USH2A: variants seen among roughly 807,000 people sequenced by gnomAD.
The protein encoded by USH2A is Usher syndrome 2A (autosomal recessive, mild).
In USH2A, 443 loss-of-function variants were observed where a neutral mutation model predicts 538.9. The observed-to-expected ratio is 0.82, with a 90% CI of 0.76 to 0.89. The LOEUF is 0.89. USH2A is among the 40% of genes least tolerant of loss of function. USH2A has a pLI of 0.00. For missense variants in USH2A, 6,633 were observed against 6,324.8 expected (o/e 1.05, Z -1.65); for synonymous variants, 2,413 against 2,273.5 (o/e 1.06, Z -1.75).
chr1:215,932,664 C>T (rs568676782), intron 38 of USH2A, among the ~76,000 whole-genome samples: 1 of 152,084 alleles, frequency 6.6e-6, no homozygotes, highest in East Asian at 1.9e-4. Context: ...CATTTGCTTC[C>T]TCTTTGGTGA....
chr1:215,821,728 G>A (rs1317213238), intron 47 of USH2A, among the ~76,000 whole-genome samples: 1 of 151,684 alleles, frequency 6.6e-6, no homozygotes. Context: ...TCTTCTATTG[G>A]TTTTACAGTT....
chr1:215,951,410 T>C (rs567182731), intron 37 of USH2A, among the ~76,000 whole-genome samples: 26 of 152,332 alleles, frequency 1.7e-4, no homozygotes, highest in African/African-American at 5.8e-4. Flanking sequence ...TGCACTGTGG[T>C]CTGAGAGACA....
At chr1:215,746,769 G>C (rs1433420137) in intron 58 of USH2A, among the ~76,000 whole-genome samples, 1 of 152,082 alleles carries the variant, frequency 6.6e-6, no homozygotes, top group African/African-American at 2.4e-5. Context: ...AGGTAAAATT[G>C]GTTTCCTTAT....
chr1:215,692,979 T>C (rs1448501262), intron 61 of USH2A, among the ~76,000 whole-genome samples: 9 of 151,516 alleles, frequency 5.9e-5, no homozygotes, highest in Non-Finnish European at 1.0e-4. Flanking sequence ...TCTTGGCTCA[T>C]GGCAACCTCT....
At chr1:216,243,465 C>T (rs1405397430) in intron 13 of USH2A, among the ~76,000 whole-genome samples, 2 of 152,038 alleles carry the variant, frequency 1.3e-5, no homozygotes, top group African/African-American at 4.8e-5. Flanking sequence ...TAAAAGAGGC[C>T]CCAAGTTTTA....
rs1474409209 is a variant in USH2A at position 215,706,559 on chromosome 1, G to GGCTCCAA, written c.12066+21464_12066+21470dup. Among the ~76,000 whole-genome samples, 6 of 152,116 alleles carry GGCTCCAA rather than the reference G, an allele frequency of 3.9e-5. No individual in the cohort carries two copies. The East Asian group carries it at 9.7e-4, about 24-fold the overall frequency. On this transcript the variant is annotated intron_variant, in intron 61 of 71. Transcript: ENST00000307340. ...AAACTTCCACAATTCACTTGTACCA[G>GGCTCCAA]GCTCCAAACGGGTTAACTGGTTATC...
chr1:215,751,956 T>C (rs1032185309), intron 58 of USH2A, among the ~76,000 whole-genome samples: 1 of 152,162 alleles, frequency 6.6e-6, no homozygotes, highest in Non-Finnish European at 1.5e-5. Flanking sequence ...CATTCCATGT[T>C]AGAAAACAAT....
intron 19 of USH2A, among the ~76,000 whole-genome samples, chr1:216,193,469 G>C (rs1450973935): frequency 6.6e-6 from 1 of 152,000 alleles, no homozygotes; most frequent in Non-Finnish European, 1.5e-5. Flanking sequence ...TCCTAAAAAG[G>C]CTTAGAAAAA....
intron 61 of USH2A, among the ~76,000 whole-genome samples, chr1:215,692,419 G>C (rs1658647375): frequency 6.6e-6 from 1 of 151,594 alleles, no homozygotes. Context: ...ATGAGGTAGA[G>C]ATTGATGACT....
At chr1:215,841,565 A>G (rs1158154842) in intron 46 of USH2A, among the ~76,000 whole-genome samples, 1 of 152,208 alleles carries the variant, frequency 6.6e-6, no homozygotes, top group Non-Finnish European at 1.5e-5. Flanking sequence ...TAAAGACTTA[A>G]ATGTAAAACC....
chr1:215,653,740 A>G (rs772648789), intron 64 of USH2A, among the ~76,000 whole-genome samples: 6 of 152,302 alleles, frequency 3.9e-5, no homozygotes, highest in African/African-American at 7.2e-5. Context: ...ATTTTTGTCT[A>G]TGCCCGGCTA....
Position 215,675,207 on chromosome 1 carries a change from T to G in USH2A, c.12704A>C (p.Gln4235Pro), listed in dbSNP as rs1657976164. ...CCAAGTGTAGATTTTATATTCACAC[T>G]GCGTCCATGGTTGCAAACCTGTGTC... ...YNDTGLQPWT[Q>P]CEYKIYTWNS... Residue 4235 changes from glutamine (Q) to proline (P), a missense_variant, in exon 63 of 72, where the codon CAG becomes CCG. Physicochemically the swap from Gln to Pro is moderately conservative, Grantham distance 76. Transcript: ENST00000307340. The G allele has an allele frequency of 6.2e-7, 1 of 1,613,926 alleles. No individual in the cohort carries two copies. Among genetic ancestry groups the G allele is most frequent in the Admixed American group, 1.7e-5 (1 of 59,992 alleles).
At chr1:215,841,415 G>A (rs1350047899) in intron 46 of USH2A, among the ~76,000 whole-genome samples, 3 of 152,028 alleles carry the variant, frequency 2.0e-5, no homozygotes, top group Admixed American at 6.6e-5. Context: ...TCTGATCTTC[G>A]ACAAACCTGA....
At chr1:216,265,834 G>A (rs1243419838) in intron 11 of USH2A, among the ~76,000 whole-genome samples, 1 of 152,152 alleles carries the variant, frequency 6.6e-6, no homozygotes, top group South Asian at 2.1e-4. Context: ...CTCATATGTG[G>A]AAGCTAAACC....
intron 21 of USH2A, among the ~76,000 whole-genome samples, chr1:216,111,196 A>C (rs923021648): frequency 2.0e-5 from 3 of 152,204 alleles, no homozygotes; most frequent in Admixed American, 6.5e-5. Flanking sequence ...GTGCCACTGC[A>C]CTCTAGCCTG....
intron 32 of USH2A, among the ~76,000 whole-genome samples, chr1:216,016,342 T>C (rs1668711124): frequency 1.3e-5 from 2 of 152,042 alleles, no homozygotes; most frequent in South Asian, 4.2e-4. Flanking sequence ...TAAAGTAAAA[T>C]AATTTAAAAA....
At chr1:216,117,263 G>A (rs1171132127) in intron 21 of USH2A, among the ~76,000 whole-genome samples, 1 of 152,104 alleles carries the variant, frequency 6.6e-6, no homozygotes, top group African/African-American at 2.4e-5. Flanking sequence ...TGGTCAGACT[G>A]CAATATTTAT....
At chr1:216,002,844 AACTTAGGTATCTCAAGGTAGG>A (rs1668297130) in intron 32 of USH2A, among the ~76,000 whole-genome samples, 2 of 152,208 alleles carry the variant, frequency 1.3e-5, no homozygotes, top group South Asian at 4.1e-4. Flanking sequence ...GCATATCTGG[AACTTAGGTATCTCAAGGTAGG>A]ACTTAGGTAT....
At chr1:215,719,787 TAGG>T (rs1659598604) in intron 61 of USH2A, among the ~76,000 whole-genome samples, 2 of 152,192 alleles carry the variant, frequency 1.3e-5, no homozygotes, top group Admixed American at 6.5e-5. Flanking sequence ...AGATGAATTA[TAGG>T]AGAATGAGCC....
Sources: allele counts gnomAD v4.1 joint callset (sites outside exome capture counted in the v4.1 genomes callset), GRCh38; gene constraint gnomAD v4.1.1; transcripts MANE v1.5; gene names NCBI Gene and HGNC (gene_info 2026-07-23, HGNC 2026-07-21).